The following IGSF11 variants were observed in gnomAD, a reference collection of about 807,000 sequenced individuals.
IGSF11 encodes the protein CXADR like 1.
Under a neutral mutation model 41.0 loss-of-function variants are expected in IGSF11, and 22 were observed. The ratio of observed to expected loss-of-function variants is 0.54; its 90% CI spans 0.38 to 0.77. IGSF11 has a LOEUF of 0.77. IGSF11 is among the 30% of genes least tolerant of loss of function. The pLI, the probability that IGSF11 is intolerant of heterozygous loss-of-function variation, is 0.00. For synonymous variants in IGSF11, 219 were observed against 201.3 expected (o/e 1.09, Z -0.74); for missense variants, 444 against 530.8 (o/e 0.84, Z 1.61).
At chr3:118,914,810 GACAA>G (rs1940872203) in intron 4 of IGSF11, among the ~76,000 whole-genome samples, 1 of 124,804 alleles carries the variant, frequency 8.0e-6, no homozygotes, top group Admixed American at 7.8e-5. Context: ...GCAGGGCACA[GACAA>G]ACAAAAAGAC....
chr3:119,100,278 G>A (rs1171957834), intron 1 of IGSF11, among the ~76,000 whole-genome samples: 1 of 152,180 alleles, frequency 6.6e-6, no homozygotes, highest in African/African-American at 2.4e-5. Flanking sequence ...AACCACAGCT[G>A]TAACAATGGC....
At chr3:118,971,840 A>G (rs562662382) in intron 1 of IGSF11, among the ~76,000 whole-genome samples, 2 of 151,848 alleles carry the variant, frequency 1.3e-5, no homozygotes, top group African/African-American at 4.8e-5. Flanking sequence ...CAGTTGCTGG[A>G]TAGAAGAAAC....
Position 118,902,702 on chromosome 3 carries a change from G to A in IGSF11, c.1114C>T (p.Leu372=), listed in dbSNP as rs1559864042. 6.2e-7 allele frequency: 1 copy of A among 1,614,034 alleles called. No homozygotes were observed. Among genetic ancestry groups the A allele is most frequent in the Admixed American group, 1.7e-5 (1 of 60,006 alleles). The change falls in exon 7 of 7, where the codon CTG becomes TTG. Residue 372 remains leucine (L), a synonymous_variant. Transcript: ENST00000393775. The stretch of plus-strand genomic sequence containing the variant: ...GACCCTCTGTTGGCTGTCACTACCA[G>A]AGTCTTATGTTGACCCGGGACCAGA... ...THLVPGQHKT[L]VVTANRGSSP... is the part of the protein sequence containing the mutation.
chr3:118,979,613 G>C (rs1576542639), intron 1 of IGSF11, among the ~76,000 whole-genome samples: 1 of 152,256 alleles, frequency 6.6e-6, no homozygotes, highest in East Asian at 1.9e-4. Flanking sequence ...TCAGGACATT[G>C]GTGTAGGCAA....
At chr3:118,961,398 T>C (rs938440040) in intron 1 of IGSF11, among the ~76,000 whole-genome samples, 6 of 152,194 alleles carry the variant, frequency 3.9e-5, no homozygotes, top group Admixed American at 6.5e-5. Context: ...CTCAGGGCAC[T>C]GTATAATACA....
At chr3:119,111,277 G>A (rs1380729976) in intron 1 of IGSF11, among the ~76,000 whole-genome samples, 2 of 152,162 alleles carry the variant, frequency 1.3e-5, no homozygotes, top group African/African-American at 4.8e-5. Context: ...TTTCTTGGAG[G>A]CTTTGTTCGT....
chr3:119,140,112 T>TATAAAATA (rs1488271649), intron 1 of IGSF11, among the ~76,000 whole-genome samples: 1 of 151,936 alleles, frequency 6.6e-6, no homozygotes, highest in African/African-American at 2.4e-5. Context: ...ATATGACATA[T>TATAAAATA]ATAAAATAAT....
At position 119,001,425 on chromosome 3, in the gene IGSF11, G is replaced by C. The variant is rs958557220; in HGVS notation, c.52+33106C>G. Among the ~76,000 whole-genome samples, 5 of 144,626 alleles carry C rather than the reference G, an allele frequency of 3.5e-5. 1 individual carries two copies. The highest frequency in any genetic ancestry group is 2.1e-4 in the East Asian group (1 of 4,784). The allele number at this position is 144,626 out of a possible 152,430, so 94.9% of individuals were successfully genotyped here. On this transcript the variant is annotated intron_variant, in intron 1 of 6. Transcript: ENST00000393775. ...CGCAGTGGTAACTCAAAAGATATTT[G>C]TTTTTTGCTTTAGTTTTTGTTTTTT...
At position 119,025,401 on chromosome 3, in the gene IGSF11, T is replaced by C. The variant is rs181131688; in HGVS notation, c.52+9130A>G. Reference sequence around the variant, plus strand: ...GCACACCCTAAATAGACTCATCTCCTGACTTAAAAATTGGGACTGATCAAT... The same window carrying C: ...GCACACCCTAAATAGACTCATCTCCCGACTTAAAAATTGGGACTGATCAAT... On this transcript the variant is annotated intron_variant, in intron 1 of 6. Transcript: ENST00000393775. Among the ~76,000 whole-genome samples the C allele has an allele frequency of 3.4e-3, 507 of 148,626 alleles. 7 individuals carry two copies. Among genetic ancestry groups the C allele is most frequent in the African/African-American group, 0.012 (480 of 41,234 alleles).
At chr3:118,968,408 A>G (rs564681965) in intron 1 of IGSF11, among the ~76,000 whole-genome samples, 2 of 152,220 alleles carry the variant, frequency 1.3e-5, no homozygotes, top group African/African-American at 2.4e-5. Context: ...CTAAAACCCA[A>G]TGGGGAAGTA....
chr3:118,972,980 G>A (rs1933619099), intron 1 of IGSF11, among the ~76,000 whole-genome samples: 1 of 152,122 alleles, frequency 6.6e-6, no homozygotes, highest in African/African-American at 2.4e-5. Flanking sequence ...TCAAAACCCT[G>A]CTCTACGTGG....
chr3:119,141,677 A>G (rs2077650166), intron 1 of IGSF11, among the ~76,000 whole-genome samples: 1 of 149,572 alleles, frequency 6.7e-6, no homozygotes, highest in Admixed American at 6.7e-5. Flanking sequence ...TATCTAATAT[A>G]GATATATATT....
At chr3:119,007,319 G>C (rs376196318) in intron 1 of IGSF11, among the ~76,000 whole-genome samples, 5 of 139,302 alleles carry the variant, frequency 3.6e-5, no homozygotes, top group Non-Finnish European at 7.5e-5. Context: ...GCCCTGCTTC[G>C]GCTCGCGCAC....
intron 1 of IGSF11, among the ~76,000 whole-genome samples, chr3:118,934,672 T>C (rs1437870273): frequency 2.0e-5 from 3 of 152,180 alleles, no homozygotes; most frequent in Non-Finnish European, 4.4e-5. Flanking sequence ...AACTATTCCT[T>C]TGCATGCCCA....
chr3:119,138,081 G>C lies in IGSF11; in HGVS notation c.-14+7732C>G, dbSNP rs2107546605. ...CATTGAATGCTGGTGAGGATGTGAAGAGAAAAGAACCCTTGTAGACTGTTG... is the reference window on the plus strand; with the variant it reads ...CATTGAATGCTGGTGAGGATGTGAACAGAAAAGAACCCTTGTAGACTGTTG... On this transcript the variant is annotated intron_variant, in intron 1 of 7. Coordinates refer to the IGSF11 transcript ENST00000425327. Among the ~76,000 whole-genome samples the C allele has an allele frequency of 2.0e-5, 3 of 149,622 alleles. No homozygotes were observed. In the South Asian group the frequency reaches 6.3e-4, roughly 32 times the overall value.
At chr3:118,990,898 C>T (rs1266578319) in intron 1 of IGSF11, among the ~76,000 whole-genome samples, 2 of 152,048 alleles carry the variant, frequency 1.3e-5, no homozygotes, top group African/African-American at 4.8e-5. Flanking sequence ...AGGGAGAGTT[C>T]CTTGATTGGA....
chr3:119,061,866 C>G (rs1942062894), intron 1 of IGSF11, among the ~76,000 whole-genome samples: 1 of 151,238 alleles, frequency 6.6e-6, no homozygotes, highest in Non-Finnish European at 1.5e-5. Flanking sequence ...TTGGGCATGT[C>G]TATAGTGTAT....
chr3:118,937,464 C>T (rs987103413), intron 1 of IGSF11, among the ~76,000 whole-genome samples: 11 of 152,078 alleles, frequency 7.2e-5, no homozygotes, highest in Admixed American at 6.5e-4. Context: ...AAATAATCTA[C>T]CTTTATACTT....
At chr3:119,125,235 A>T (rs2077387232) in intron 1 of IGSF11, among the ~76,000 whole-genome samples, 1 of 152,244 alleles carries the variant, frequency 6.6e-6, no homozygotes. Flanking sequence ...GGCAGTGCCA[A>T]GATGGCCAAC....
Sources: gnomAD v4.1 joint callset for allele counts (sites outside exome capture counted in the v4.1 genomes callset) on GRCh38, gnomAD v4.1.1 for gene constraint, MANE v1.5 for transcripts, NCBI Gene and HGNC (gene_info 2026-07-23, HGNC 2026-07-21) for gene names.